Variants in MRTFA observed in about 807,000 individuals in gnomAD.
The protein encoded by MRTFA is myocardin-related transcription factor A.
In MRTFA, 20 loss-of-function variants were observed where a neutral mutation model predicts 83.5. The ratio of observed to expected loss-of-function variants is 0.24; its 90% CI spans 0.17 to 0.35. The LOEUF is 0.35. Among genes scored for constraint, MRTFA ranks in the 10% least tolerant of loss-of-function variants. The pLI is 1.00. For missense variants in MRTFA, 1,200 were observed against 1,224.7 expected, an observed-to-expected ratio of 0.98 and a Z score of 0.30; for synonymous variants, 659 against 541.2, an observed-to-expected ratio of 1.22 and a Z score of -3.02.
intron 3 of MRTFA, among the ~76,000 whole-genome samples, chr22:40,485,008 G>A (rs979808338): frequency 2.6e-5 from 4 of 151,450 alleles, no homozygotes; most frequent in Non-Finnish European, 5.9e-5. Context: ...GGAGTAGGAG[G>A]TTGCAGTGAG....
chr22:40,563,680 A>C (rs1258286075), intron 2 of MRTFA, among the ~76,000 whole-genome samples: 1 of 152,148 alleles, frequency 6.6e-6, no homozygotes, highest in Admixed American at 6.5e-5. Context: ...CTGGTCAACA[A>C]ATATTGACTA....
intron 3 of MRTFA, among the ~76,000 whole-genome samples, chr22:40,466,694 G>A (rs2053817134): frequency 6.6e-6 from 1 of 152,098 alleles, no homozygotes; most frequent in Non-Finnish European, 1.5e-5. Context: ...ACACTTCAAA[G>A]AAACAATAAC....
At chr22:40,490,197 C>A (rs148825630) in intron 3 of MRTFA, among the ~76,000 whole-genome samples, 150 of 152,222 alleles carry the variant, frequency 9.9e-4, no homozygotes, top group African/African-American at 3.3e-3. Flanking sequence ...ATACTATCCC[C>A]CGCCTCTCAA....
chr22:40,467,360 G>A (rs2053827607), intron 3 of MRTFA, among the ~76,000 whole-genome samples: 1 of 152,108 alleles, frequency 6.6e-6, no homozygotes, highest in South Asian at 2.1e-4. Flanking sequence ...GTTTATCTGT[G>A]TAGACTAAAA....
chr22:40,533,529 G>A (rs929975959), intron 3 of MRTFA: 25 of 1,042,654 alleles, frequency 2.4e-5, no homozygotes, highest in Non-Finnish European at 2.8e-5. Context: ...AGAAGCCTGT[G>A]GCAAATAAGA....
intron 3 of MRTFA, among the ~76,000 whole-genome samples, chr22:40,514,402 A>C (rs1482026219): frequency 1.3e-5 from 2 of 152,036 alleles, no homozygotes; most frequent in African/African-American, 4.8e-5. Flanking sequence ...AGAATTGAGA[A>C]TCATGTTTCT....
chr22:40,459,802 C>T (rs1228149455), intron 4 of MRTFA, among the ~76,000 whole-genome samples: 2 of 113,610 alleles, frequency 1.8e-5, no homozygotes, highest in Non-Finnish European at 3.4e-5. Context: ...CACACACACA[C>T]ACACACACAC....
chr22:40,452,420 T>C (rs1336264283), intron 4 of MRTFA, among the ~76,000 whole-genome samples: 1 of 152,234 alleles, frequency 6.6e-6, no homozygotes, highest in Non-Finnish European at 1.5e-5. Flanking sequence ...TTACTCTTGA[T>C]AAGAAGTTAG....
chr22:40,418,271 CA>C, intron 12 of MRTFA, 102 bp downstream of exon 12: 1 of 1,513,252 alleles, frequency 6.6e-7, no homozygotes, highest in South Asian at 1.3e-5. Context: ...GAAGCAAACA[CA>C]AAATGTCCAG....
At chr22:40,487,077 T>G (rs930105361) in intron 3 of MRTFA, among the ~76,000 whole-genome samples, 1 of 152,206 alleles carries the variant, frequency 6.6e-6, no homozygotes, top group Non-Finnish European at 1.5e-5. Flanking sequence ...TTGTGTGTGT[T>G]TGTGTGTGTA....
chr22:40,609,633 T>G (rs2147410347), intron 1 of MRTFA, among the ~76,000 whole-genome samples: 1 of 151,922 alleles, frequency 6.6e-6, no homozygotes, highest in Non-Finnish European at 1.5e-5. Flanking sequence ...GAGTTCAAGA[T>G]CAGCCTAGCC....
chr22:40,592,160 G>A (rs1403733306), intron 2 of MRTFA, among the ~76,000 whole-genome samples: 1 of 150,588 alleles, frequency 6.6e-6, no homozygotes, highest in Non-Finnish European at 1.5e-5. Flanking sequence ...AGGCATGGTG[G>A]CTCATGCCTG....
At chr22:40,506,781 T>A (rs2054587171) in intron 3 of MRTFA, among the ~76,000 whole-genome samples, 3 of 152,192 alleles carry the variant, frequency 2.0e-5, no homozygotes, top group Admixed American at 1.3e-4. Context: ...CCATTTTCAC[T>A]GTTTAAGGAG....
At chr22:40,437,021 T>A (rs897347718) in intron 4 of MRTFA, among the ~76,000 whole-genome samples, 1 of 152,148 alleles carries the variant, frequency 6.6e-6, no homozygotes, top group Non-Finnish European at 1.5e-5. Context: ...TTTTTAAAAA[T>A]TTTTTGTGAA....
Position 40,467,277 on chromosome 22 carries a change from G to A in MRTFA, c.242-3991C>T, listed in dbSNP as rs12159822. On this transcript the variant is annotated intron_variant, in intron 3 of 14. Transcript: ENST00000355630. ...AATGGTTACAAAGAGGGGGAAAAAA[G>A]ACTGAAGCAGTAAACTCAGAATTAT... Among the ~76,000 whole-genome samples, 1,244 of 152,258 alleles carry A rather than the reference G, an allele frequency of 8.2e-3. 25 individuals carry two copies. The highest frequency in any genetic ancestry group is 0.075 in the Middle Eastern group (22 of 294).
intron 1 of MRTFA, among the ~76,000 whole-genome samples, chr22:40,630,717 T>G (rs1277617822): frequency 6.6e-6 from 1 of 152,224 alleles, no homozygotes; most frequent in Non-Finnish European, 1.5e-5. Context: ...TTTATTTATT[T>G]ACTTGAGACA....
At chr22:40,577,605 T>A (rs2055885610) in intron 2 of MRTFA, among the ~76,000 whole-genome samples, 1 of 148,522 alleles carries the variant, frequency 6.7e-6, no homozygotes, top group Admixed American at 6.8e-5. Context: ...TCAATCTACA[T>A]CTGATTTTTT....
rs1252362268 is a variant in MRTFA, at chr22:40,498,279, T to A, written c.242-34993A>T. On this transcript the variant is annotated intron_variant, in intron 3 of 14. Transcript: ENST00000355630. ...TATATATATATATATATATATTTTT[T>A]TTTTTTTTTTTTTTTTTTTTTTTGA... is the stretch of plus-strand genomic sequence containing the variant. 9.8e-4 allele frequency among the ~76,000 whole-genome samples: 92 copies of A among 94,236 alleles called. No homozygotes were observed. The Middle Eastern group carries it at 0.015, about 15-fold the overall frequency. 61.8% of individuals were successfully genotyped at this position (94,236 alleles called of 152,430 possible).
chr22:40,611,639 A>C (rs758074628), intron 1 of MRTFA, among the ~76,000 whole-genome samples: 8 of 152,206 alleles, frequency 5.3e-5, no homozygotes, highest in Non-Finnish European at 1.0e-4. Context: ...TGTTCCATGA[A>C]TTCAGGGCAG....
Sources: gnomAD v4.1 joint callset for allele counts (sites outside exome capture counted in the v4.1 genomes callset) on GRCh38, gnomAD v4.1.1 for gene constraint, MANE v1.5 for transcripts, NCBI Gene and HGNC (gene_info 2026-07-23, HGNC 2026-07-21) for gene names.